Variants in TNFRSF8 observed in about 807,000 individuals in gnomAD.
TNFRSF8 encodes tumor necrosis factor receptor superfamily member 8.
In TNFRSF8, 26 loss-of-function variants were observed where a neutral mutation model predicts 70.8. That is an observed-to-expected ratio of 0.37 (90% confidence interval 0.27 to 0.51). The LOEUF (loss-of-function observed/expected upper bound fraction) is 0.51, where lower values mean the gene tolerates loss of function less well. Ranked by LOEUF, TNFRSF8 falls within the 20% of genes least tolerant of loss-of-function variation. The probability of loss-of-function intolerance (pLI) is 0.94; values close to 1 mark genes in which losing one functional copy is unlikely to be tolerated. For synonymous variants in TNFRSF8, 356 were observed against 339.2 expected (o/e 1.05, Z -0.54); for missense variants, 720 against 807.9 (o/e 0.89, Z 1.32).
rs1006087237 is a variant in TNFRSF8, at chr1:12,110,500, C to G, written c.676+296C>G. Among the ~76,000 whole-genome samples the G allele has an allele frequency of 6.6e-6, 1 of 152,226 alleles. No homozygotes were observed. The highest frequency in any genetic ancestry group is 1.5e-5 in the Non-Finnish European group (1 of 68,044). ...TTGTCAGAGGGAAATGGGTCCCACTCTGCTGTTGTGACACTTGCGACTCAG... is the reference window on the plus strand; with the variant it reads ...TTGTCAGAGGGAAATGGGTCCCACTGTGCTGTTGTGACACTTGCGACTCAG... On this transcript the variant is annotated intron_variant, in intron 6 of 14. Coordinates refer to ENST00000263932, the MANE Select transcript of TNFRSF8 (RefSeq NM_001243.5). The surrounding 1 kb of genome is among the most constrained non-coding windows in gnomAD (Gnocchi z 4.0).
At chr1:12,116,613 C>G (rs548051769) in intron 8 of TNFRSF8, among the ~76,000 whole-genome samples, 9 of 152,068 alleles carry the variant, frequency 5.9e-5, no homozygotes, top group African/African-American at 2.2e-4. Context: ...CCAGCCTGAC[C>G]AACATGGCAA....
At chr1:12,066,852 C>CATGTT (rs1640750348) in intron 1 of TNFRSF8, among the ~76,000 whole-genome samples, 1 of 145,796 alleles carries the variant, frequency 6.9e-6, no homozygotes, top group African/African-American at 2.5e-5. Context: ...GGGGTTTCGT[C>CATGTT]ATGTTGGTCA....
At position 12,063,739 on chromosome 1, in the gene TNFRSF8, A is replaced by T. The variant is rs1640688785; in HGVS notation, c.63+78A>T. The T allele has an allele frequency of 8.2e-7, 1 of 1,212,956 alleles. No homozygotes were observed. 75.1% of individuals were successfully genotyped at this position (1,212,956 alleles called of 1,614,324 possible). Reference sequence around the variant, plus strand: ...GTGTGGGGTGCGTGGGACGCAAGGGAGGACACTCCTCACCCCGTTCCCTGC... The same window carrying T: ...GTGTGGGGTGCGTGGGACGCAAGGGTGGACACTCCTCACCCCGTTCCCTGC... On this transcript the variant is annotated intron_variant, in intron 1 of 14. Transcript: ENST00000263932. This position sits in a 1 kb window ranked among gnomAD's most constrained non-coding sequence, Gnocchi z 7.2.
Position 12,097,246 on chromosome 1 carries a change from T to G in TNFRSF8, c.268+29T>G, listed in dbSNP as rs200941615. The G allele has an allele frequency of 2.9e-5, 46 of 1,563,296 alleles. No homozygotes were observed. The East Asian group carries it at 1.0e-3, about 34-fold the overall frequency. ...AGGGCCTTGTTCTCTCTCCAGGGCCTCCTTCTAGGGAGCATGAGGGGTCCT... is the reference window on the plus strand; with the variant it reads ...AGGGCCTTGTTCTCTCTCCAGGGCCGCCTTCTAGGGAGCATGAGGGGTCCT... On this transcript the variant is annotated intron_variant, in intron 3 of 14. Coordinates refer to ENST00000263932, the MANE Select transcript of TNFRSF8 (RefSeq NM_001243.5).
At chr1:12,125,674 C>T (rs1211473860) in intron 10 of TNFRSF8, among the ~76,000 whole-genome samples, 2 of 152,232 alleles carry the variant, frequency 1.3e-5, no homozygotes, top group African/African-American at 4.8e-5. Flanking sequence ...AAATTTTGGT[C>T]TATTGGACCT....
In TNFRSF8 at chr1:12,066,860, T is replaced by G. The variant is rs148297020; in HGVS notation, c.63+3199T>G. Among the ~76,000 whole-genome samples the G allele has an allele frequency of 2.2e-3, 299 of 136,854 alleles. 1 individual carries two copies. The highest frequency in any genetic ancestry group is 7.2e-3 in the African/African-American group (261 of 36,488). 89.8% of individuals were successfully genotyped at this position (136,854 alleles called of 152,430 possible). A position where few individuals can be genotyped will look rare whatever the true frequency, so the allele number is the denominator to read the frequency against. On this transcript the variant is annotated intron_variant, in intron 1 of 14. Transcript: ENST00000263932. The stretch of plus-strand genomic sequence containing the variant: ...TAGAGATGGGGTTTCGTCATGTTGG[T>G]CAGGCTGGTCTCGAGCTCCTGGCCT...
chr1:12,128,774 G>A (rs1641990825), intron 12 of TNFRSF8, among the ~76,000 whole-genome samples: 1 of 150,974 alleles, frequency 6.6e-6, no homozygotes, highest in African/African-American at 2.4e-5. Context: ...AATGTCTCTA[G>A]ACATTGCCAT....
chr1:12,087,861 C>T (rs901993975), intron 2 of TNFRSF8, among the ~76,000 whole-genome samples: 1 of 152,216 alleles, frequency 6.6e-6, no homozygotes, highest in Non-Finnish European at 1.5e-5. Flanking sequence ...CTCCTCCCCA[C>T]TTCCCCTCTC....
In TNFRSF8 at chr1:12,090,267, A is replaced by G. The variant is rs1168357471; in HGVS notation, c.151+5716A>G. ...CATCTATCTACCCATCCAACCATCT[A>G]CCCACTCATCCACTCTTCCCTAACC... is the stretch of plus-strand genomic sequence containing the variant. On this transcript the variant is annotated intron_variant, in intron 2 of 14. Coordinates refer to ENST00000263932, the MANE Select transcript of TNFRSF8 (RefSeq NM_001243.5). 2.8e-5 allele frequency among the ~76,000 whole-genome samples: 4 copies of G among 143,762 alleles called. No homozygotes were observed. In the East Asian group the frequency reaches 8.5e-4, roughly 31 times the overall value. The allele number at this position is 143,762 out of a possible 152,430, so 94.3% of individuals were successfully genotyped here. A position where few individuals can be genotyped will look rare whatever the true frequency, so the allele number is the denominator to read the frequency against.
At position 12,110,621 on chromosome 1, in the gene TNFRSF8, G is replaced by A. The variant is rs1034966903; in HGVS notation, c.676+417G>A. Among the ~76,000 whole-genome samples the A allele has an allele frequency of 6.6e-5, 10 of 151,756 alleles. No homozygotes were observed. The highest frequency in any genetic ancestry group is 4.2e-4 in the South Asian group (2 of 4,808). On this transcript the variant is annotated intron_variant, in intron 6 of 14. Transcript: ENST00000263932. This position sits in a 1 kb window ranked among gnomAD's most constrained non-coding sequence, Gnocchi z 4.0. Reference sequence around the variant, plus strand: ...TTTTTCTTTTTCTTTTTTTTGAGACGGAGTTTCGCTCATGTTGCCCAGGCT... The same window carrying A: ...TTTTTCTTTTTCTTTTTTTTGAGACAGAGTTTCGCTCATGTTGCCCAGGCT...
At position 12,139,305 on chromosome 1, in the gene TNFRSF8, C is replaced by T. The variant is rs933895261; in HGVS notation, c.1543+869C>T. Among the ~76,000 whole-genome samples, 18 of 152,288 alleles carry T rather than the reference C, an allele frequency of 1.2e-4. No individual in the cohort carries two copies. The South Asian group carries it at 3.3e-3, about 28-fold the overall frequency. ...CTGACCCCACAGTCTGTCCCTCCCC[C>T]TCATGGCAGTCTCCCAAATTTACAG... On this transcript the variant is annotated intron_variant, in intron 14 of 14. Coordinates refer to ENST00000263932, the MANE Select transcript of TNFRSF8 (RefSeq NM_001243.5).
At chr1:12,076,328 G>A (rs948852435) in intron 1 of TNFRSF8, among the ~76,000 whole-genome samples, 3 of 152,078 alleles carry the variant, frequency 2.0e-5, no homozygotes, top group Non-Finnish European at 2.9e-5. Flanking sequence ...TCAAACTCCC[G>A]ACCTCAGGTG....
Position 12,126,175 on chromosome 1 carries a change from C to T in TNFRSF8, c.1256-8C>T, listed in dbSNP as rs201255682. 788 of 1,614,002 alleles carry T rather than the reference C, an allele frequency of 4.9e-4. No homozygotes were observed. Among genetic ancestry groups the T allele is most frequent in the Non-Finnish European group, 6.2e-4 (729 of 1,180,024 alleles). ...CCACCCCCAGCCTTCCTCCTGGTGT[C>T]GTTTCAGAGCTCCACCTGTGCTACC... On this transcript the variant is annotated splice_region_variant and splice_polypyrimidine_tract_variant and intron_variant, in intron 11 of 14. Coordinates refer to ENST00000263932, the MANE Select transcript of TNFRSF8 (RefSeq NM_001243.5).
rs952820670 is a variant in TNFRSF8, at chr1:12,110,288, C to T, written c.676+84C>T. ...CATGAGTGGGGGTGTTTGGAGCAGG[C>T]GGGCAGTGATCTGTGGTCTTTTCCT... On this transcript the variant is annotated intron_variant, in intron 6 of 14. Coordinates refer to ENST00000263932, the MANE Select transcript of TNFRSF8 (RefSeq NM_001243.5). This position sits in a 1 kb window ranked among gnomAD's most constrained non-coding sequence, Gnocchi z 4.0. 6.3e-5 allele frequency: 86 copies of T among 1,373,734 alleles called. No homozygotes were observed. The highest frequency in any genetic ancestry group is 2.0e-4 in the Admixed American group (8 of 40,208). 85.1% of individuals were successfully genotyped at this position (1,373,734 alleles called of 1,614,324 possible). A position where few individuals can be genotyped will look rare whatever the true frequency, so the allele number is the denominator to read the frequency against.
chr1:12,067,817 C>T (rs1053884571), intron 1 of TNFRSF8, among the ~76,000 whole-genome samples: 8 of 147,420 alleles, frequency 5.4e-5, no homozygotes, highest in South Asian at 2.2e-4. Flanking sequence ...GGCAAGAGGG[C>T]AGGAGAGATT....
chr1:12,123,814 C>G lies in TNFRSF8; in HGVS notation c.1140C>G (p.Pro380=). Residue 380 remains proline, a synonymous_variant, in exon 10 of 15, where the codon CCC becomes CCG. Coordinates refer to ENST00000263932, the MANE Select transcript of TNFRSF8 (RefSeq NM_001243.5). ...APVALSSTGK[P]VLDAGPVLFW... ...TCGCTCTCTCCTCCACGGGGAAGCCCGTTCTGGATGCAGGTAATGGTCCCA... is the reference window on the plus strand; with the variant it reads ...TCGCTCTCTCCTCCACGGGGAAGCCGGTTCTGGATGCAGGTAATGGTCCCA... The G allele has an allele frequency of 1.3e-6, 2 of 1,567,812 alleles. No homozygotes were observed. The highest frequency in any genetic ancestry group is 3.7e-5 in the Admixed American group (2 of 53,412).
chr1:12,074,395 T>A (rs1640901568), intron 1 of TNFRSF8, among the ~76,000 whole-genome samples: 1 of 152,010 alleles, frequency 6.6e-6, no homozygotes, highest in Non-Finnish European at 1.5e-5. Flanking sequence ...TTCTGCTACC[T>A]CAGCCTCCTG....
Position 12,113,749 on chromosome 1 carries a change from AAG to A in TNFRSF8, c.793+1749_793+1750del, listed in dbSNP as rs902586693. Reference sequence around the variant, plus strand: ...AGTGTGACAGAGAGAAAGACAGAGAAAGAGAGAGAGAGAGACAGAAAGAGAGA... The same window carrying A: ...AGTGTGACAGAGAGAAAGACAGAGAAAGAGAGAGAGAGACAGAAAGAGAGA... On this transcript the variant is annotated intron_variant, in intron 7 of 14. Transcript: ENST00000263932. The surrounding 1 kb of genome is among the most constrained non-coding windows in gnomAD (Gnocchi z 4.9). Among the ~76,000 whole-genome samples the A allele has an allele frequency of 3.4e-5, 5 of 145,790 alleles. No individual in the cohort carries two copies. The highest frequency in any genetic ancestry group is 2.0e-4 in the East Asian group (1 of 4,892).
At chr1:12,121,272 C>T (rs545346686) in intron 8 of TNFRSF8, among the ~76,000 whole-genome samples, 1 of 152,254 alleles carries the variant, frequency 6.6e-6, no homozygotes, top group South Asian at 2.1e-4. Flanking sequence ...CCTCAGAACC[C>T]TACAATGCAA....
Sources: allele counts gnomAD v4.1 joint callset (sites outside exome capture counted in the v4.1 genomes callset), GRCh38; gene constraint gnomAD v4.1.1; non-coding constraint Gnocchi (gnomAD v3.1); transcripts MANE v1.5; gene names NCBI Gene and HGNC (gene_info 2026-07-23, HGNC 2026-07-21).